The following NAA15 variants were observed in gnomAD, a reference collection of about 807,000 sequenced individuals.
NAA15 encodes N-terminal acetyltransferase.
NAA15 carries 34 observed loss-of-function variants against 114.0 expected under a neutral mutation model. The observed-to-expected ratio is 0.30, with a 90% CI of 0.23 to 0.40. The LOEUF is 0.40. Ranked by LOEUF, NAA15 falls within the 10% of genes least tolerant of loss-of-function variation. NAA15 has a pLI of 1.00. For synonymous variants in NAA15, 340 were observed against 338.0 expected, an observed-to-expected ratio of 1.01 and a Z score of -0.06; for missense variants, 658 against 1,004.5, an observed-to-expected ratio of 0.66 and a Z score of 4.66.
At chr4:139,365,614 G>T (rs1011777297) in intron 14 of NAA15, among the ~76,000 whole-genome samples, 4 of 152,068 alleles carry the variant, frequency 2.6e-5, no homozygotes, top group African/African-American at 9.7e-5. Context: ...AAGGCAGGTG[G>T]ATCGTTTGAG....
intron 1 of NAA15, among the ~76,000 whole-genome samples, chr4:139,324,694 G>A (rs1161481525): frequency 6.6e-6 from 1 of 152,214 alleles, no homozygotes; most frequent in Non-Finnish European, 1.5e-5. Flanking sequence ...CACTTCAGGA[G>A]GCCGAGGCAG....
chr4:139,376,953 A>G (rs949522525), intron 16 of NAA15, among the ~76,000 whole-genome samples: 1 of 152,180 alleles, frequency 6.6e-6, no homozygotes, highest in Non-Finnish European at 1.5e-5. Flanking sequence ...GTGTGTAAAT[A>G]ATGTTGAGGT....
chr4:139,348,175 C>T (rs1330527268), intron 6 of NAA15, among the ~76,000 whole-genome samples: 5 of 151,962 alleles, frequency 3.3e-5, no homozygotes, highest in East Asian at 1.9e-4. Context: ...CACTGGTGGC[C>T]GGGCACGGTG....
In NAA15 at chr4:139,351,489, AT is replaced by A; in HGVS notation, c.908-11del. On this transcript the variant is annotated splice_polypyrimidine_tract_variant and intron_variant, in intron 8 of 19. Coordinates refer to ENST00000296543, the MANE Select transcript of NAA15 (RefSeq NM_057175.5). ...TACTTGATAAATATAAGCGAAAAGG[AT>A]TTTTCTCTTCCAAGGTGAGAAGTTT... 7.0e-7 allele frequency: 1 copy of A among 1,438,068 alleles called. No individual in the cohort carries two copies. Among genetic ancestry groups the A allele is most frequent in the Non-Finnish European group, 9.7e-7 (1 of 1,026,284 alleles). 89.1% of individuals were successfully genotyped at this position (1,438,068 alleles called of 1,614,324 possible). A position where few individuals can be genotyped will look rare whatever the true frequency, so the allele number is the denominator to read the frequency against.
intron 18 of NAA15, among the ~76,000 whole-genome samples, chr4:139,385,308 T>TAATATATA: frequency 1.1e-5 from 1 of 91,882 alleles, no homozygotes; most frequent in East Asian, 2.5e-4. Flanking sequence ...ATAATATATA[T>TAATATATA]TATATATATA....
intron 1 of NAA15, among the ~76,000 whole-genome samples, chr4:139,315,872 TC>T (rs1253600629): frequency 4.6e-5 from 7 of 151,630 alleles, no homozygotes; most frequent in Non-Finnish European, 8.8e-5. Flanking sequence ...TTAGTCTCTC[TC>T]TTTTTTAAAA....
At chr4:139,358,713 G>A (rs1475835200) in intron 11 of NAA15, among the ~76,000 whole-genome samples, 1 of 152,190 alleles carries the variant, frequency 6.6e-6, no homozygotes, top group East Asian at 1.9e-4. Context: ...TTAGAATGAG[G>A]AACATTGGGG....
chr4:139,351,357 A>T, intron 8 of NAA15, 71 bp downstream of exon 8: 2 of 1,131,238 alleles, frequency 1.8e-6, no homozygotes, highest in South Asian at 2.7e-5. Context: ...GGTTTTAAGT[A>T]TGAGTATGCA....
At chr4:139,307,155 G>A (rs1210534646) in intron 1 of NAA15, among the ~76,000 whole-genome samples, 1 of 152,182 alleles carries the variant, frequency 6.6e-6, no homozygotes, top group Non-Finnish European at 1.5e-5. Context: ...TCTACCATTT[G>A]CCAGGCTCTG....
intron 10 of NAA15, among the ~76,000 whole-genome samples, chr4:139,355,419 G>C (rs13137219): frequency 0.14 from 20,843 of 149,838 alleles, 1,760 homozygotes; most frequent in Non-Finnish European, 0.19. Context: ...TTTTTTTTCA[G>C]TTTTCCCAGT....
chr4:139,382,320 T>G (rs1273001508), intron 17 of NAA15, among the ~76,000 whole-genome samples: 1 of 152,090 alleles, frequency 6.6e-6, no homozygotes, highest in African/African-American at 2.4e-5. Context: ...GCCTCAAACT[T>G]TTTGGAATCA....
chr4:139,345,023 T>G (rs1747536272), intron 6 of NAA15, among the ~76,000 whole-genome samples: 1 of 152,210 alleles, frequency 6.6e-6, no homozygotes, highest in Admixed American at 6.5e-5. Context: ...TTTAAAAAAT[T>G]ACCTTCTGAA....
At chr4:139,349,341 C>A in intron 6 of NAA15, 121 bp from the exon 7 acceptor site, 1 of 799,778 alleles carries the variant, frequency 1.3e-6, no homozygotes, top group Non-Finnish European at 1.9e-6. Flanking sequence ...GAACCAGGTC[C>A]ATCCACTTAG....
At chr4:139,382,132 T>C (rs746599100) in intron 17 of NAA15, among the ~76,000 whole-genome samples, 1 of 152,156 alleles carries the variant, frequency 6.6e-6, no homozygotes, top group African/African-American at 2.4e-5. Context: ...GCTCCTTTTC[T>C]TAAGGGTACA....
At chr4:139,379,712 T>C (rs1052567774) in intron 17 of NAA15, among the ~76,000 whole-genome samples, 2 of 152,122 alleles carry the variant, frequency 1.3e-5, no homozygotes, top group African/African-American at 4.8e-5. Flanking sequence ...AAATCAGGCA[T>C]CCCAATCACC....
At chr4:139,372,613 G>A (rs994074409) in intron 15 of NAA15, among the ~76,000 whole-genome samples, 3 of 152,148 alleles carry the variant, frequency 2.0e-5, no homozygotes, top group Non-Finnish European at 4.4e-5. Flanking sequence ...ATTTCCAAAT[G>A]TGGTAACAAC....
intron 15 of NAA15, among the ~76,000 whole-genome samples, chr4:139,371,497 G>GCGCGCGCA (rs1389164527): frequency 1.4e-4 from 16 of 113,678 alleles, no homozygotes; most frequent in African/African-American, 5.0e-4. Flanking sequence ...AAGAAAAGTA[G>GCGCGCGCA]CACACACACA....
At position 139,361,871 on chromosome 4, in the gene NAA15, G is replaced by C; in HGVS notation, c.1687G>C (p.Glu563Gln). ...FYFKAARIAI[E>Q]IYLKLHDNPL... is the part of the protein sequence containing the mutation. ...CTTCAAGGCAGCAAGAATTGCTATAGAGATCTATTTGAAGCTTCATGACAA... is the reference window on the plus strand; with the variant it reads ...CTTCAAGGCAGCAAGAATTGCTATACAGATCTATTTGAAGCTTCATGACAA... Residue 563 changes from glutamate to glutamine, a missense_variant, in exon 14 of 20, where the codon GAG becomes CAG. This residue lies in a region of NAA15 where 275 missense variants were observed against 371.1 expected (regional missense o/e 0.74). Transcript: ENST00000296543. The C allele has an allele frequency of 6.2e-7, 1 of 1,613,776 alleles. No homozygotes were observed.
chr4:139,370,467 A>C (rs1245030446), intron 15 of NAA15, 63 bp downstream of exon 15: 2 of 1,456,972 alleles, frequency 1.4e-6, no homozygotes, highest in Non-Finnish European at 1.8e-6. Flanking sequence ...TGTCATTTTT[A>C]TACTGTCTTA....
Sources: gnomAD v4.1 joint callset for allele counts (sites outside exome capture counted in the v4.1 genomes callset) on GRCh38, gnomAD v4.1.1 for gene constraint, gnomAD v4.1.1 regional missense constraint, MANE v1.5 for transcripts, NCBI Gene and HGNC (gene_info 2026-07-23, HGNC 2026-07-21) for gene names.